TPO: variants seen among roughly 807,000 people sequenced by gnomAD.
TPO encodes thyroid microsomal antigen.
In TPO, 78 loss-of-function variants were observed where a neutral mutation model predicts 96.9. The observed-to-expected ratio is 0.81, with a 90% CI of 0.67 to 0.97. TPO has a LOEUF of 0.97. Ranked by LOEUF, TPO falls within the 50% of genes least tolerant of loss-of-function variation. TPO has a pLI of 0.00. For synonymous variants in TPO, 547 were observed against 538.0 expected (o/e 1.02, Z -0.23); for missense variants, 1,252 against 1,274.8 (o/e 0.98, Z 0.27).
intron 2 of TPO, among the ~76,000 whole-genome samples, chr2:1,420,837 G>T (rs114688974): frequency 2.0e-5 from 3 of 152,044 alleles, no homozygotes; most frequent in African/African-American, 7.2e-5. Context: ...GGAGCAGAAC[G>T]TTCTCCCAGA....
At chr2:1,458,995 C>T (rs990236668) in intron 7 of TPO, among the ~76,000 whole-genome samples, 7 of 152,066 alleles carry the variant, frequency 4.6e-5, no homozygotes, top group East Asian at 1.9e-4. Flanking sequence ...TGCTAAGTCA[C>T]GGTGGAGGTG....
intron 5 of TPO, among the ~76,000 whole-genome samples, chr2:1,438,183 C>G (rs1203164575): frequency 6.6e-6 from 1 of 151,784 alleles, no homozygotes; most frequent in Non-Finnish European, 1.5e-5. Context: ...GGGTGGGGAT[C>G]CCGGGGGACA....
intron 15 of TPO, among the ~76,000 whole-genome samples, chr2:1,518,374 C>T (rs1239028002): frequency 6.6e-6 from 1 of 152,198 alleles, no homozygotes; most frequent in Non-Finnish European, 1.5e-5. Flanking sequence ...TTTATCGTTT[C>T]CAAAGGGCCT....
intron 7 of TPO, among the ~76,000 whole-genome samples, chr2:1,475,366 C>A (rs1252892429): frequency 1.3e-5 from 2 of 151,810 alleles, no homozygotes; most frequent in Non-Finnish European, 2.9e-5. Flanking sequence ...GTACTCACCT[C>A]GTCTACTCTA....
At chr2:1,540,462 A>G (rs1680604009) in intron 15 of TPO, 132 bp from the exon 16 acceptor site, 3 of 1,587,642 alleles carry the variant, frequency 1.9e-6, no homozygotes. Context: ...TGAAGTGTGA[A>G]ATGAAAGTGG....
Position 1,542,426 on chromosome 2 carries a change from T to C in TPO, c.2754T>C (p.Ser918=), listed in dbSNP as rs758779206. Residue 918 remains serine, a synonymous_variant, in exon 17 of 17, where the codon AGT becomes AGC. Transcript: ENST00000329066. ...TTTGTTCTGCATTTTTGCAGGAGAG[T>C]GCTGGGATGGAAGGCCGGGATACTC... ...RAAAQDSEQE[S]AGMEGRDTHR... is the part of the protein sequence containing the mutation. 5.0e-6 allele frequency: 8 copies of C among 1,614,072 alleles called. No homozygotes were observed. The Admixed American group carries it at 1.3e-4, about 27-fold the overall frequency.
rs531710109 is a variant in TPO at position 1,423,901 on chromosome 2, T to C, written c.179+772T>C. Among the ~76,000 whole-genome samples, 19 of 152,344 alleles carry C rather than the reference T, an allele frequency of 1.2e-4. No homozygotes were observed. The South Asian group carries it at 3.9e-3, about 32-fold the overall frequency. ...TCTCATAAACTCACGCACACTTTAA[T>C]ATGTCTAAAATGGGCAGGAATTCCT... On this transcript the variant is annotated intron_variant, in intron 3 of 16. Coordinates refer to ENST00000329066, the MANE Select transcript of TPO (RefSeq NM_001206744.2).
intron 13 of TPO, among the ~76,000 whole-genome samples, chr2:1,499,295 T>C (rs950093651): frequency 6.6e-6 from 1 of 152,142 alleles, no homozygotes; most frequent in African/African-American, 2.4e-5. Context: ...GTCTCCTAAG[T>C]GAGGAATGCT....
At position 1,453,567 on chromosome 2, in the gene TPO, C is replaced by G. The variant is rs1486863778; in HGVS notation, c.483-127C>G. ...GAGGCCTTTCGGGTCTTCTGGGGAG[C>G]TGTGCCCCTTGGGCCTCCGGAGAGA... On this transcript the variant is annotated intron_variant, in intron 5 of 16. Coordinates refer to ENST00000329066, the MANE Select transcript of TPO (RefSeq NM_001206744.2). 6 of 1,459,902 alleles carry G rather than the reference C, an allele frequency of 4.1e-6. No individual in the cohort carries two copies. In the East Asian group the frequency reaches 9.1e-5, roughly 22 times the overall value. 90.4% of individuals were successfully genotyped at this position (1,459,902 alleles called of 1,614,324 possible).
chr2:1,423,894 A>C (rs1664048555), intron 3 of TPO, among the ~76,000 whole-genome samples: 1 of 152,242 alleles, frequency 6.6e-6, no homozygotes, highest in Non-Finnish European at 1.5e-5. Context: ...ACTCACGCAC[A>C]CTTTAATATG....
chr2:1,477,172 C>A lies in TPO; in HGVS notation c.906C>A (p.Gly302=), dbSNP rs146101536. The A allele has an allele frequency of 1.1e-4, 176 of 1,609,922 alleles. No homozygotes were observed. In the African/African-American group the frequency reaches 2.1e-3, roughly 19 times the overall value. ...SSAACGTGDQ[G]ALFGNLSTAN... is the part of the protein sequence containing the mutation. ...CCGCCTGCGGCACCGGGGACCAAGG[C>A]GCGCTCTTTGGGAACCTGTCCACGG... The change falls in exon 8 of 17, where the codon GGC becomes GGA. Residue 302 remains glycine, a synonymous_variant. Transcript: ENST00000329066.
chr2:1,456,058 T>C lies in TPO; in HGVS notation c.613-18T>C, dbSNP rs373647298. ...CAGGGTCCTCCTATGTCCTGACCAA[T>C]GGTCTCTTCCTACCCAGGTCCGGGA... On this transcript the variant is annotated intron_variant, in intron 6 of 16. Coordinates refer to ENST00000329066, the MANE Select transcript of TPO (RefSeq NM_001206744.2). 2.0e-4 allele frequency: 328 copies of C among 1,612,008 alleles called. 1 individual carries two copies. Among genetic ancestry groups the C allele is most frequent in the Non-Finnish European group, 2.6e-4 (308 of 1,179,098 alleles).
At chr2:1,505,473 C>T (rs1480723049) in intron 14 of TPO, among the ~76,000 whole-genome samples, 4 of 94,790 alleles carry the variant, frequency 4.2e-5, no homozygotes, top group Non-Finnish European at 7.9e-5. Flanking sequence ...CTGTGTCAGG[C>T]GCATCCCCCC....
intron 7 of TPO, among the ~76,000 whole-genome samples, chr2:1,457,331 A>G (rs28910575): frequency 5.0e-5 from 6 of 119,738 alleles, no homozygotes; most frequent in African/African-American, 6.2e-5. Flanking sequence ...ACACATATAT[A>G]TAGCATGCAT....
intron 1 of TPO, among the ~76,000 whole-genome samples, chr2:1,400,485 C>G (rs1282384012): frequency 4.2e-5 from 6 of 144,384 alleles, no homozygotes; most frequent in African/African-American, 1.4e-4. Flanking sequence ...GAGCTGAGAT[C>G]GCACCATTGC....
intron 7 of TPO, among the ~76,000 whole-genome samples, chr2:1,458,150 A>G (rs1449226102): frequency 6.6e-6 from 1 of 151,758 alleles, no homozygotes; most frequent in Non-Finnish European, 1.5e-5. Flanking sequence ...TATATAAGAT[A>G]GCGTGTGGAC....
chr2:1,449,780 A>G (rs1384387732), intron 5 of TPO, among the ~76,000 whole-genome samples: 1 of 152,224 alleles, frequency 6.6e-6, no homozygotes, highest in Non-Finnish European at 1.5e-5. Context: ...CAAGATTTTC[A>G]AAGTTTTTGG....
intron 11 of TPO, among the ~76,000 whole-genome samples, chr2:1,495,313 T>C (rs950900810): frequency 6.6e-6 from 1 of 152,158 alleles, no homozygotes; most frequent in Non-Finnish European, 1.5e-5. Context: ...GAGATGCACA[T>C]GGGAGATGCA....
At chr2:1,413,900 T>G (rs991194090) in intron 1 of TPO, among the ~76,000 whole-genome samples, 2 of 152,242 alleles carry the variant, frequency 1.3e-5, no homozygotes, top group Admixed American at 1.3e-4. Context: ...AATCTTCTGT[T>G]TTGTCTTAAC....
Sources: gnomAD v4.1 joint callset for allele counts (sites outside exome capture counted in the v4.1 genomes callset) on GRCh38, gnomAD v4.1.1 for gene constraint, MANE v1.5 for transcripts, NCBI Gene and HGNC (gene_info 2026-07-23, HGNC 2026-07-21) for gene names.